The following FGGY variants were observed in gnomAD, a reference collection of about 807,000 sequenced individuals.
FGGY encodes FGGY carbohydrate kinase domain-containing protein.
Under a neutral mutation model 71.3 loss-of-function variants are expected in FGGY, and 72 were observed. The observed-to-expected ratio is 1.01, with a 90% CI of 0.84 to 1.23. The LOEUF is 1.23. FGGY is among the 50% of genes most tolerant of loss of function. FGGY has a pLI of 0.00. For missense variants in FGGY, 668 were observed against 682.3 expected (o/e 0.98, Z 0.23); for synonymous variants, 251 against 250.3 (o/e 1.00, Z -0.02).
At chr1:59,611,226 C>G (rs1277660420) in intron 9 of FGGY, among the ~76,000 whole-genome samples, 1 of 152,168 alleles carries the variant, frequency 6.6e-6, no homozygotes. Context: ...CAAGTGGGAC[C>G]CTGACCCCCT....
intron 5 of FGGY, among the ~76,000 whole-genome samples, chr1:59,420,813 T>C (rs1017360694): frequency 5.9e-5 from 9 of 151,950 alleles, no homozygotes; most frequent in African/African-American, 9.7e-5. Flanking sequence ...TTGATGACAC[T>C]AACAGAAATG....
chr1:59,353,621 T>C lies in FGGY; in HGVS notation c.465+7223T>C, dbSNP rs181830757. Among the ~76,000 whole-genome samples, 408 of 152,360 alleles carry C rather than the reference T, an allele frequency of 2.7e-3. 3 individuals carry two copies. The highest frequency in any genetic ancestry group is 4.4e-3 in the South Asian group (21 of 4,826). ...CCTTCTACTTGTTTCCCTTGACATT[T>C]ACCAGTGCCGCCAGTCTCAGAATGT... is the stretch of plus-strand genomic sequence containing the variant. On this transcript the variant is annotated intron_variant, in intron 4 of 15. Coordinates refer to ENST00000303721, the MANE Select transcript of FGGY (RefSeq NM_018291.5).
At chr1:59,525,819 T>C (rs931890332) in intron 7 of FGGY, among the ~76,000 whole-genome samples, 1 of 152,242 alleles carries the variant, frequency 6.6e-6, no homozygotes, top group African/African-American at 2.4e-5. Flanking sequence ...AGTATACATA[T>C]ATGTATTGTA....
intron 1 of FGGY, among the ~76,000 whole-genome samples, chr1:59,299,032 T>C (rs1185985179): frequency 1.3e-5 from 2 of 152,190 alleles, no homozygotes; most frequent in African/African-American, 4.8e-5. Context: ...GATTATGTGA[T>C]AGTGAGATGA....
intron 8 of FGGY, among the ~76,000 whole-genome samples, chr1:59,587,594 C>T (rs1471314765): frequency 6.6e-6 from 1 of 152,128 alleles, no homozygotes; most frequent in East Asian, 1.9e-4. Flanking sequence ...TCCTCTGAGA[C>T]AAAACTTCCA....
chr1:59,452,306 G>A lies in FGGY; in HGVS notation c.555-4655G>A, dbSNP rs147942419. On this transcript the variant is annotated intron_variant, in intron 5 of 15. Transcript: ENST00000303721. The stretch of plus-strand genomic sequence containing the variant: ...TATGGTAAATTAAGATAAAGATAAA[G>A]ATAAAATTCAGATGTCATATGTCAT... Among the ~76,000 whole-genome samples, 19 of 152,144 alleles carry A rather than the reference G, an allele frequency of 1.2e-4. No homozygotes were observed. In the East Asian group the frequency reaches 3.7e-3, roughly 29 times the overall value.
chr1:59,372,645 A>C (rs2057886601), intron 4 of FGGY, among the ~76,000 whole-genome samples: 1 of 152,224 alleles, frequency 6.6e-6, no homozygotes, highest in African/African-American at 2.4e-5. Flanking sequence ...ATGAACATTG[A>C]TGCAAAAATC....
At chr1:59,662,265 A>G (rs892079955) in intron 12 of FGGY, among the ~76,000 whole-genome samples, 9 of 150,930 alleles carry the variant, frequency 6.0e-5, no homozygotes, top group Non-Finnish European at 1.3e-4. Flanking sequence ...GCTTGCAGTG[A>G]ACTGAGATCG....
intron 5 of FGGY, among the ~76,000 whole-genome samples, chr1:59,425,509 T>G (rs2066193704): frequency 6.6e-6 from 1 of 152,042 alleles, no homozygotes; most frequent in African/African-American, 2.4e-5. Flanking sequence ...GAAAGGGAAA[T>G]GAGCTTTCCA....
intron 14 of FGGY, among the ~76,000 whole-genome samples, chr1:59,732,179 C>T (rs998295576): frequency 2.0e-5 from 3 of 152,146 alleles, no homozygotes; most frequent in Admixed American, 6.6e-5. Flanking sequence ...TCCAGTTGTA[C>T]AAAGAGGCAG....
In FGGY at chr1:59,321,687, C is replaced by T; in HGVS notation, c.138C>T (p.Pro46=). Residue 46 remains proline (P), a synonymous_variant, in exon 2 of 16, where the codon CCC becomes CCT. Coordinates refer to ENST00000303721, the MANE Select transcript of FGGY (RefSeq NM_018291.5). ...FADQPIKNWE[P]QFNHHEQSSE... ...ACCAGCCAATTAAGAATTGGGAGCC[C>T]CAGTTCAACCACCATGAGCAGTCCT... 1 of 1,612,972 alleles carries T rather than the reference C, an allele frequency of 6.2e-7. No individual in the cohort carries two copies.
intron 11 of FGGY, among the ~76,000 whole-genome samples, chr1:59,658,049 G>A (rs2097238168): frequency 6.6e-6 from 1 of 152,148 alleles, no homozygotes; most frequent in Admixed American, 6.5e-5. Context: ...ATTGTCACTG[G>A]TTCATAGTTC....
chr1:59,738,335 C>T (rs544837385), intron 14 of FGGY, among the ~76,000 whole-genome samples: 6 of 152,300 alleles, frequency 3.9e-5, no homozygotes, highest in South Asian at 2.1e-4. Context: ...TCATTCTTCC[C>T]GTATGTAAAC....
chr1:59,674,175 C>A, intron 14 of FGGY, 42 bp downstream of exon 14: 1 of 1,466,208 alleles, frequency 6.8e-7, no homozygotes, highest in Non-Finnish European at 9.5e-7. Flanking sequence ...CCTCCCCTGT[C>A]TGAGGCCATC....
chr1:59,457,185 G>A, intron 6 of FGGY, 109 bp downstream of exon 6: 1 of 762,680 alleles, frequency 1.3e-6, no homozygotes, highest in Non-Finnish European at 2.2e-6. Context: ...TGAAAATACA[G>A]GAATGAAGTT....
intron 6 of FGGY, among the ~76,000 whole-genome samples, chr1:59,484,840 G>GT (rs963623618): frequency 2.0e-5 from 3 of 151,742 alleles, no homozygotes; most frequent in African/African-American, 4.8e-5. Context: ...TTAGCATTCA[G>GT]TTTTTTTTCT....
intron 2 of FGGY, among the ~76,000 whole-genome samples, chr1:59,334,198 A>C (rs1045982092): frequency 4.6e-5 from 7 of 152,140 alleles, no homozygotes; most frequent in Non-Finnish European, 2.9e-5. Context: ...GCTGGAGTAC[A>C]GTTGCATGGT....
intron 1 of FGGY, among the ~76,000 whole-genome samples, chr1:59,311,255 TA>T (rs1325421669): frequency 6.6e-6 from 1 of 151,796 alleles, no homozygotes; most frequent in African/African-American, 2.4e-5. Flanking sequence ...TTTTTTTTTT[TA>T]AAGATTCTTT....
rs1189861035 is a variant in FGGY, at chr1:59,346,311, C to A, written c.378C>A (p.Ile126=). Residue 126 remains isoleucine, a synonymous_variant, in exon 4 of 16, where the codon ATC becomes ATA. Transcript: ENST00000303721. ...GAGCAGTCAGTCAAGTTAACAGGAT[C>A]AATGAGACCAAGCACAGTGTCCTCC... ...DHRAVSQVNR[I]NETKHSVLQY... is the part of the protein sequence containing the mutation. The A allele has an allele frequency of 6.2e-7, 1 of 1,612,426 alleles. No individual in the cohort carries two copies. Among genetic ancestry groups the A allele is most frequent in the East Asian group, 2.2e-5 (1 of 44,868 alleles).
Sources: gnomAD v4.1 joint callset for allele counts (sites outside exome capture counted in the v4.1 genomes callset) on GRCh38, gnomAD v4.1.1 for gene constraint, MANE v1.5 for transcripts, NCBI Gene and HGNC (gene_info 2026-07-23, HGNC 2026-07-21) for gene names.